The following IGFBP6 variants were observed in gnomAD, a reference collection of about 807,000 sequenced individuals.
The protein encoded by IGFBP6 is insulin like growth factor binding protein 6.
In IGFBP6, 24 loss-of-function variants were observed where a neutral mutation model predicts 24.5. The ratio of observed to expected loss-of-function variants is 0.98; its 90% CI spans 0.71 to 1.38. IGFBP6 has a LOEUF of 1.38. Among genes scored for constraint, IGFBP6 ranks in the 40% most tolerant of loss-of-function variants. The pLI is 0.00. For missense variants in IGFBP6, 331 were observed against 324.8 expected (o/e 1.02, Z -0.15); for synonymous variants, 147 against 137.4 (o/e 1.07, Z -0.49).
chr12:53,100,845 A>G lies in IGFBP6; in HGVS notation c.468A>G (p.Gln156=), dbSNP rs944307764. Residue 156 remains glutamine (Q), a synonymous_variant, in exon 2 of 4, where the codon CAA becomes CAG. Transcript: ENST00000301464. ...CCCAGCCCAATTCTGCGGGTGTCCAAGACACTGAGATGGTGCGTTTGGAGC... is the reference window on the plus strand; with the variant it reads ...CCCAGCCCAATTCTGCGGGTGTCCAGGACACTGAGATGGTGCGTTTGGAGC... The part of the protein sequence containing the change: ...TPSQPNSAGV[Q]DTEMGPCRRH... 1.9e-6 allele frequency: 3 copies of G among 1,614,154 alleles called. No homozygotes were observed. Among genetic ancestry groups the G allele is most frequent in the Non-Finnish European group, 2.5e-6 (3 of 1,180,038 alleles).
chr12:53,099,179 T>C, intron 1 of IGFBP6: 2 of 384,314 alleles, frequency 5.2e-6, no homozygotes, highest in South Asian at 3.5e-5. Flanking sequence ...TGATATCTGA[T>C]TAGATGTTAG....
At chr12:53,102,001 G>A (rs1200710381) in intron 3 of IGFBP6, 44 bp from the exon 4 acceptor site, 1 of 1,581,958 alleles carries the variant, frequency 6.3e-7, no homozygotes, top group South Asian at 1.1e-5. Context: ...TCTCCTGCTG[G>A]AAGCCTCTGG....
intron 3 of IGFBP6, among the ~76,000 whole-genome samples, 161 bp from the exon 4 acceptor site, chr12:53,101,884 G>A (rs1222401243): frequency 1.5e-5 from 2 of 131,426 alleles, no homozygotes; most frequent in Non-Finnish European, 3.1e-5. Flanking sequence ...GGGCGACAGA[G>A]CGAGACTCCA....
chr12:53,099,970 C>T (rs1937801604), intron 1 of IGFBP6, among the ~76,000 whole-genome samples: 1 of 152,016 alleles, frequency 6.6e-6, no homozygotes, highest in African/African-American at 2.4e-5. Flanking sequence ...AGCGATTCTC[C>T]TGTCTCAGCC....
At chr12:53,101,788 A>T (rs953700879) in intron 3 of IGFBP6, among the ~76,000 whole-genome samples, 1 of 150,940 alleles carries the variant, frequency 6.6e-6, no homozygotes, top group African/African-American at 2.4e-5. Flanking sequence ...AATCCCAGCT[A>T]CTCAGGAGGC....
intron 2 of IGFBP6, 50 bp downstream of exon 2, chr12:53,100,907 T>G (rs1436034693): frequency 6.2e-7 from 1 of 1,611,648 alleles, no homozygotes; most frequent in Non-Finnish European, 8.5e-7. Flanking sequence ...CCCTGGAGAC[T>G]TCCATCTGAG....
chr12:53,102,159 A>G lies in IGFBP6; in HGVS notation c.715A>G (p.Ser239Gly). The G allele has an allele frequency of 1.2e-6, 2 of 1,613,872 alleles. No homozygotes were observed. The highest frequency in any genetic ancestry group is 1.7e-5 in the Admixed American group (1 of 59,996). ...AAGCTCCTCCTGCCCCACTGGGAGTAGCGGCTAAAGCTGGGGGATAGAGGG... is the reference window on the plus strand; with the variant it reads ...AAGCTCCTCCTGCCCCACTGGGAGTGGCGGCTAAAGCTGGGGGATAGAGGG... ...NGSSSCPTGSSG is the reference protein window; with the variant it reads ...NGSSSCPTGSGG The change falls in exon 4 of 4, where the codon AGC (serine) becomes GGC (glycine). Residue 239 changes from serine (S) to glycine (G), a missense_variant. Ser to Gly is a moderately conservative substitution (Grantham distance 56). Transcript: ENST00000301464.
intron 1 of IGFBP6, among the ~76,000 whole-genome samples, chr12:53,098,421 G>A (rs1461196284): frequency 6.6e-6 from 1 of 152,204 alleles, no homozygotes; most frequent in Non-Finnish European, 1.5e-5. Context: ...CGGCCAAGCT[G>A]GGGAAAGGAC....
intron 1 of IGFBP6, among the ~76,000 whole-genome samples, chr12:53,099,788 A>T (rs1324041890): frequency 6.6e-5 from 10 of 151,660 alleles, no homozygotes; most frequent in Non-Finnish European, 1.2e-4. Context: ...TTAATTTTTT[A>T]AAATTAAGTA....
In IGFBP6 at chr12:53,102,064, A is replaced by C. The variant is rs1937840288; in HGVS notation, c.620A>C (p.Gln207Pro). Residue 207 changes from glutamine to proline, a missense_variant, in exon 4 of 4, where the codon CAG becomes CCG. Gln to Pro is a moderately conservative substitution (Grantham distance 76). Transcript: ENST00000301464. The stretch of plus-strand genomic sequence containing the variant: ...CTCCAGTGCCGCTCCTCCCAGGGGC[A>C]GCGCCGAGGTCCCTGCTGGTGTGTG... The part of the protein sequence containing the change: ...RKRQCRSSQG[Q>P]RRGPCWCVDR... 2 of 1,613,722 alleles carry C rather than the reference A, an allele frequency of 1.2e-6. No homozygotes were observed. Among genetic ancestry groups the C allele is most frequent in the Non-Finnish European group, 1.7e-6 (2 of 1,180,006 alleles).
In IGFBP6 at chr12:53,100,986, T is replaced by G; in HGVS notation, c.481-55T>G. The G allele has an allele frequency of 2.5e-6, 4 of 1,606,398 alleles. 1 individual carries two copies. In the South Asian group the frequency reaches 3.3e-5, roughly 13 times the overall value. On this transcript the variant is annotated intron_variant, in intron 2 of 3. Transcript: ENST00000301464. The stretch of plus-strand genomic sequence containing the variant: ...GTGCTTGCCTGGTGGGCCAGAAGGT[T>G]GGAATGGGGAGCTGGGCTGGAGCGG...
Position 53,100,759 on chromosome 12 carries a change from C to T in IGFBP6, c.382C>T (p.Arg128Cys), listed in dbSNP as rs9658616. Residue 128 changes from arginine (R) to cysteine (C), a missense_variant, in exon 2 of 4, where the codon CGC becomes TGC. Coordinates refer to ENST00000301464, the MANE Select transcript of IGFBP6 (RefSeq NM_002178.3). Reference sequence around the variant, plus strand: ...GAGTAAACCCCAAGCAGGCACTGCCCGCCCACAGGATGTGAACCGCAGAGA... The same window carrying T: ...GAGTAAACCCCAAGCAGGCACTGCCTGCCCACAGGATGTGAACCGCAGAGA... Reference protein sequence around the residue: ...KESKPQAGTARPQDVNRRDQQ... With the variant: ...KESKPQAGTACPQDVNRRDQQ... 22 of 1,614,032 alleles carry T rather than the reference C, an allele frequency of 1.4e-5. No homozygotes were observed. Among genetic ancestry groups the T allele is most frequent in the African/African-American group, 5.3e-5 (4 of 74,936 alleles).
chr12:53,100,033 T>C (rs965876715), intron 1 of IGFBP6, among the ~76,000 whole-genome samples: 2 of 152,138 alleles, frequency 1.3e-5, no homozygotes, highest in Non-Finnish European at 2.9e-5. Flanking sequence ...CTAATTTTTG[T>C]ATTTTTAGTG....
At chr12:53,100,662 A>T in intron 1 of IGFBP6, 50 bp from the exon 2 acceptor site, 1 of 1,604,444 alleles carries the variant, frequency 6.2e-7, no homozygotes, top group South Asian at 1.1e-5. Flanking sequence ...GCCCTTCTCC[A>T]CATGGCTCTG....
chr12:53,097,694 G>T lies in IGFBP6; in HGVS notation c.-24G>T. The T allele has an allele frequency of 6.5e-7, 1 of 1,539,166 alleles. No homozygotes were observed. Among genetic ancestry groups the T allele is most frequent in the Non-Finnish European group, 8.7e-7 (1 of 1,145,206 alleles). The stretch of plus-strand genomic sequence containing the variant: ...CTGCGCTGCGACTGCTCTGGAAGGA[G>T]AGGACGGGGCACAAACCCTGACCAT... On this transcript the variant is annotated 5_prime_UTR_variant, in exon 1 of 4. Coordinates refer to ENST00000301464, the MANE Select transcript of IGFBP6 (RefSeq NM_002178.3).
chr12:53,099,195 T>C, intron 1 of IGFBP6: 2 of 399,872 alleles, frequency 5.0e-6, no homozygotes, highest in Non-Finnish European at 1.1e-5. Flanking sequence ...GTTAGGCAAA[T>C]TCCAAGCAGT....
intron 1 of IGFBP6, among the ~76,000 whole-genome samples, chr12:53,100,349 T>C (rs541066913): frequency 6.6e-6 from 1 of 151,566 alleles, no homozygotes; most frequent in South Asian, 2.1e-4. Flanking sequence ...TTTGTAGAGA[T>C]GAGGTTCTCA....
intron 1 of IGFBP6, 97 bp from the exon 2 acceptor site, chr12:53,100,614 GC>G: frequency 3.4e-6 from 4 of 1,185,578 alleles, no homozygotes; most frequent in Non-Finnish European, 4.9e-6. Context: ...GGGGCATAAG[GC>G]CCTCCCTTCC....
chr12:53,098,889 G>A (rs1361372198), intron 1 of IGFBP6: 1 of 153,158 alleles, frequency 6.5e-6, no homozygotes, highest in East Asian at 1.9e-4. Context: ...GGGAGGGGAT[G>A]GAGAATTCAC....
Sources: allele counts gnomAD v4.1 joint callset (sites outside exome capture counted in the v4.1 genomes callset), GRCh38; gene constraint gnomAD v4.1.1; transcripts MANE v1.5; gene names NCBI Gene and HGNC (gene_info 2026-07-23, HGNC 2026-07-21).